The following PLD5 variants were observed in gnomAD, a reference collection of about 807,000 sequenced individuals.
PLD5 encodes the protein phospholipase D family member 5.
PLD5 carries 36 observed loss-of-function variants against 61.1 expected under a neutral mutation model. That is an observed-to-expected ratio of 0.59 (90% CI 0.45 to 0.78). The LOEUF is 0.78. PLD5 is among the 30% of genes least tolerant of loss of function. PLD5 has a pLI of 0.00. For missense variants in PLD5, 515 were observed against 644.4 expected (o/e 0.80, Z 2.17); for synonymous variants, 243 against 242.8 (o/e 1.00, Z -0.01).
intron 4 of PLD5, among the ~76,000 whole-genome samples, chr1:242,226,208 G>GA (rs1670930855): frequency 3.3e-5 from 5 of 151,808 alleles, no homozygotes; most frequent in Admixed American, 2.0e-4. Context: ...TTTCTAACAG[G>GA]AAAAAAAATA....
chr1:242,187,935 G>A (rs1307885497), intron 5 of PLD5, among the ~76,000 whole-genome samples: 1 of 152,184 alleles, frequency 6.6e-6, no homozygotes, highest in Non-Finnish European at 1.5e-5. Context: ...GGAGAGCTTT[G>A]AATGTCACGC....
At chr1:242,460,001 T>C in intron 1 of PLD5, among the ~76,000 whole-genome samples, 1 of 152,178 alleles carries the variant, frequency 6.6e-6, no homozygotes, top group East Asian at 1.9e-4. Context: ...TTTCCCTGGA[T>C]TGTTTGTAAC....
intron 9 of PLD5, among the ~76,000 whole-genome samples, chr1:242,093,009 C>G (rs1659956243): frequency 6.6e-6 from 1 of 152,102 alleles, no homozygotes; most frequent in South Asian, 2.1e-4. Context: ...CATCATCTGC[C>G]CCCTCAATAA....
Position 242,352,267 on chromosome 1 carries a change from A to G in PLD5, c.190-4025T>C, listed in dbSNP as rs181945493. ...TTCTACTCTCTACTTCTATAACTGC[A>G]ATTGTTTTATATTCCACATATAAGT... On this transcript the variant is annotated intron_variant, in intron 1 of 9. Transcript: ENST00000536534. Among the ~76,000 whole-genome samples the G allele has an allele frequency of 4.0e-3, 615 of 152,288 alleles. 4 individuals carry two copies. Among genetic ancestry groups the G allele is most frequent in the African/African-American group, 0.013 (533 of 41,546 alleles).
chr1:242,227,729 C>G (rs1671042077), intron 4 of PLD5, among the ~76,000 whole-genome samples: 1 of 152,196 alleles, frequency 6.6e-6, no homozygotes, highest in African/African-American at 2.4e-5. Context: ...CACCAATTTC[C>G]TACAGTACAG....
intron 1 of PLD5, among the ~76,000 whole-genome samples, chr1:242,452,867 A>G (rs1260968412): frequency 2.0e-5 from 3 of 151,616 alleles, no homozygotes; most frequent in Non-Finnish European, 4.4e-5. Context: ...TGCACCCCCT[A>G]GGTCCTATCT....
At chr1:242,454,015 A>G (rs145893731) in intron 1 of PLD5, among the ~76,000 whole-genome samples, 3 of 152,300 alleles carry the variant, frequency 2.0e-5, no homozygotes, top group Non-Finnish European at 2.9e-5. Flanking sequence ...AAAGAGTCAC[A>G]TGGACAAGAT....
chr1:242,230,943 A>C (rs575907269), intron 4 of PLD5, among the ~76,000 whole-genome samples: 4 of 152,332 alleles, frequency 2.6e-5, no homozygotes, highest in Admixed American at 1.3e-4. Flanking sequence ...CTTTGATTAT[A>C]TATAACCTTC....
chr1:242,529,783 C>CTTCCTTCCTTCCTTCCTTCT, the PLD5 span, among the ~76,000 whole-genome samples: 10,974 of 73,456 alleles, frequency 0.15, 537 homozygotes, highest in Middle Eastern at 0.3. Flanking sequence ...TGGGATCTTC[C>CTTCCTTCCTTCCTTCCTTCT]TTCCTTCCTT....
At chr1:242,520,371 C>G (rs1669242238) in intron 1 of PLD5, among the ~76,000 whole-genome samples, 1 of 152,144 alleles carries the variant, frequency 6.6e-6, no homozygotes, top group African/African-American at 2.4e-5. Flanking sequence ...ATGTTCGTTC[C>G]TGCACTACAG....
chr1:242,298,844 AGGAACAAT>A (rs1208837227), intron 2 of PLD5, among the ~76,000 whole-genome samples: 2 of 152,222 alleles, frequency 1.3e-5, no homozygotes, highest in African/African-American at 4.8e-5. Context: ...TGACCCAGAA[AGGAACAAT>A]CAGAAAGAAA....
intron 1 of PLD5, among the ~76,000 whole-genome samples, chr1:242,432,838 G>C (rs1471107459): frequency 6.6e-6 from 1 of 152,138 alleles, no homozygotes. Context: ...AAGCCAAAGA[G>C]ACAAAAGGCA....
chr1:242,449,304 T>G, intron 1 of PLD5: 1 of 1,535,890 alleles, frequency 6.5e-7, no homozygotes, highest in Non-Finnish European at 8.7e-7. Context: ...GGCTAAGAAT[T>G]CTTTCCCAGG....
At chr1:242,478,541 G>T (rs887973640) in intron 1 of PLD5, among the ~76,000 whole-genome samples, 3 of 152,150 alleles carry the variant, frequency 2.0e-5, no homozygotes, top group African/African-American at 7.2e-5. Context: ...ACAACTTTCT[G>T]ACCTCCCAGG....
At chr1:242,449,862 A>G (rs1666710298) in intron 1 of PLD5, among the ~76,000 whole-genome samples, 1 of 152,170 alleles carries the variant, frequency 6.6e-6, no homozygotes, top group Non-Finnish European at 1.5e-5. Flanking sequence ...AAGAGGGGCA[A>G]TGCTGACGAG....
chr1:242,424,237 A>G (rs1182098662), intron 1 of PLD5, among the ~76,000 whole-genome samples: 1 of 152,120 alleles, frequency 6.6e-6, no homozygotes, highest in Admixed American at 6.6e-5. Context: ...CTCTACTGAT[A>G]ATGTTACTAT....
chr1:242,242,349 G>A (rs384054), intron 4 of PLD5, among the ~76,000 whole-genome samples: 144,374 of 152,202 alleles, frequency 0.95, 68,945 homozygotes, highest in Non-Finnish European at 1. Context: ...CTTGCTGAGA[G>A]CAAACAGCCA....
chr1:242,131,520 CT>C (rs1272736701), intron 5 of PLD5, among the ~76,000 whole-genome samples: 4 of 152,112 alleles, frequency 2.6e-5, no homozygotes. Flanking sequence ...GTTCTCAAGG[CT>C]TCATATGTCT....
intron 5 of PLD5, among the ~76,000 whole-genome samples, chr1:242,153,464 T>C (rs1665102138): frequency 6.6e-6 from 1 of 152,190 alleles, no homozygotes; most frequent in Non-Finnish European, 1.5e-5. Flanking sequence ...GGTTTTCTTC[T>C]AGGGTTTTTA....
Sources: gnomAD v4.1 joint callset for allele counts (sites outside exome capture counted in the v4.1 genomes callset) on GRCh38, gnomAD v4.1.1 for gene constraint, MANE v1.5 for transcripts, NCBI Gene and HGNC (gene_info 2026-07-23, HGNC 2026-07-21) for gene names.